Variants in ZNF565 observed in about 807,000 individuals in gnomAD.
ZNF565 encodes zinc finger protein 565.
ZNF565 carries 27 observed loss-of-function variants against 39.4 expected under a neutral mutation model. The observed-to-expected ratio is 0.69, with a 90% confidence interval of 0.51 to 0.95. ZNF565 has a LOEUF of 0.95. Among genes scored for constraint, ZNF565 ranks in the 40% least tolerant of loss-of-function variants. The probability of loss-of-function intolerance (pLI) is 0.00; values close to 1 mark genes in which losing one functional copy is unlikely to be tolerated. For missense variants in ZNF565, 524 were observed against 621.1 expected (o/e 0.84, Z 1.66); for synonymous variants, 185 against 216.6 (o/e 0.85, Z 1.28).
chr19:36,230,949 C>G (rs1442869331), intron 1 of ZNF565, among the ~76,000 whole-genome samples: 1 of 152,098 alleles, frequency 6.6e-6, no homozygotes, highest in Non-Finnish European at 1.5e-5. Flanking sequence ...TTACAGGCAC[C>G]TGCCACCACG....
intron 1 of ZNF565, among the ~76,000 whole-genome samples, chr19:36,229,634 C>A (rs1977235891): frequency 6.6e-6 from 1 of 152,102 alleles, no homozygotes; most frequent in Non-Finnish European, 1.5e-5. Flanking sequence ...CTAATTTTTC[C>A]TTTTCATATA....
chr19:36,228,116 C>G (rs1977155261), intron 1 of ZNF565, among the ~76,000 whole-genome samples: 1 of 141,090 alleles, frequency 7.1e-6, no homozygotes, highest in South Asian at 2.2e-4. Context: ...GCTGAGATTG[C>G]ACAATTGCAC....
In ZNF565 at chr19:36,182,566, C is replaced by T; in HGVS notation, c.1400G>A (p.Arg467Lys). The change falls in exon 5 of 5, where the codon AGA becomes AAA. Residue 467 changes from arginine (R) to lysine (K), a missense_variant. Transcript: ENST00000304116. The part of the protein sequence containing the change: ...IRSSQLTEHQ[R>K]IHPGIKPYEC... ...GTAAGGTTTGATACCAGGATGAATT[C>T]TCTGATGTTCGGTAAGTTGTGAACT... 6.2e-7 allele frequency: 1 copy of T among 1,613,980 alleles called. No individual in the cohort carries two copies. Among genetic ancestry groups the T allele is most frequent in the South Asian group, 1.1e-5 (1 of 91,050 alleles).
chr19:36,184,079 TAAAA>T (rs752744030), intron 4 of ZNF565, among the ~76,000 whole-genome samples: 3 of 39,246 alleles, frequency 7.6e-5, no homozygotes, highest in Admixed American at 4.8e-4. Flanking sequence ...CTCTGTCTCA[TAAAA>T]AAAAAAAAAA....
At chr19:36,218,053 C>CCTCA, upstream of ZNF565, 1 of 151,334 alleles carries the variant, frequency 6.6e-6, no homozygotes, top group African/African-American at 2.4e-5. Flanking sequence ...GATCTGCCTG[C>CCTCA]CTCAGCCTCC....
At chr19:36,200,877 T>C (rs1309510949) in intron 2 of ZNF565, among the ~76,000 whole-genome samples, 1 of 151,946 alleles carries the variant, frequency 6.6e-6, no homozygotes, top group African/African-American at 2.4e-5. Flanking sequence ...CTCGGCCTCC[T>C]AGGTTAAAGT....
In ZNF565 at chr19:36,245,460, G is replaced by T. The variant is rs968608891; in HGVS notation, c.55+16C>A. 2 of 702,130 alleles carry T rather than the reference G, an allele frequency of 2.8e-6. No homozygotes were observed. The highest frequency in any genetic ancestry group is 2.6e-6 in the Non-Finnish European group (1 of 384,766). The allele number at this position is 702,130 out of a possible 1,614,324, so 43.5% of individuals were successfully genotyped here. A position where few individuals can be genotyped will look rare whatever the true frequency, so the allele number is the denominator to read the frequency against. ...GATCACATTTCCCGTGGTCCACCGC[G>T]CATCTAGGAGGTTACCTGCGTCCAG... On this transcript the variant is annotated intron_variant, in intron 1 of 4. Coordinates refer to the ZNF565 transcript ENST00000355114. The surrounding 1 kb of genome is among the most constrained non-coding windows in gnomAD (Gnocchi z 4.4).
At chr19:36,216,731 G>T (rs1006982708), upstream of ZNF565, among the ~76,000 whole-genome samples, 1 of 152,108 alleles carries the variant, frequency 6.6e-6, no homozygotes, top group South Asian at 2.1e-4. Context: ...ACTGATCCTA[G>T]ACTTACTATG....
At chr19:36,189,259 A>C (rs1302752022) in intron 4 of ZNF565, among the ~76,000 whole-genome samples, 3 of 152,084 alleles carry the variant, frequency 2.0e-5, no homozygotes, top group Non-Finnish European at 4.4e-5. Context: ...ACTACACTCC[A>C]GCCTGGGCAA....
At chr19:36,214,546 C>T in intron 1 of ZNF565, 76 bp downstream of exon 1, 1 of 153,420 alleles carries the variant, frequency 6.5e-6, no homozygotes, top group South Asian at 2.1e-4. Flanking sequence ...GCATCCGCAG[C>T]CAGCTCCCGC....
chr19:36,232,211 AAC>A lies in ZNF565; in HGVS notation c.55+13263_55+13264del, dbSNP rs1399990058. On this transcript the variant is annotated intron_variant, in intron 1 of 4. Transcript: ENST00000355114. ...CTCCATCTCAAAAAAAAAAAAAAAA[AAC>A]ATACAAATTATGTGACTACAAATAT... Among the ~76,000 whole-genome samples the A allele has an allele frequency of 2.9e-3, 443 of 151,964 alleles. 1 individual carries two copies. The highest frequency in any genetic ancestry group is 0.01 in the Middle Eastern group (3 of 292).
chr19:36,233,002 G>C (rs886665034), intron 1 of ZNF565, among the ~76,000 whole-genome samples: 1 of 152,218 alleles, frequency 6.6e-6, no homozygotes, highest in Admixed American at 6.5e-5. Flanking sequence ...CCACGCTTTT[G>C]TATGTCCGTA....
chr19:36,195,391 C>T (rs1975719563), intron 2 of ZNF565, among the ~76,000 whole-genome samples: 1 of 151,874 alleles, frequency 6.6e-6, no homozygotes, highest in African/African-American at 2.4e-5. Context: ...ATACTTCACC[C>T]ACAGATACTT....
At chr19:36,233,218 A>G (rs1008124864) in intron 1 of ZNF565, among the ~76,000 whole-genome samples, 1 of 152,140 alleles carries the variant, frequency 6.6e-6, no homozygotes, top group Non-Finnish European at 1.5e-5. Context: ...TCCTGTCTCT[A>G]CTAAAAATAC....
chr19:36,216,105 C>G (rs1976592531), upstream of ZNF565, among the ~76,000 whole-genome samples: 1 of 151,938 alleles, frequency 6.6e-6, no homozygotes, highest in South Asian at 2.1e-4. Context: ...TAATTGGGTA[C>G]CAAGTTAATA....
At chr19:36,218,211 T>G (rs532116499), upstream of ZNF565, 1 of 151,906 alleles carries the variant, frequency 6.6e-6, no homozygotes, top group Non-Finnish European at 1.5e-5. Flanking sequence ...TACTTAAACC[T>G]TGGGCCTCAG....
intron 1 of ZNF565, among the ~76,000 whole-genome samples, chr19:36,208,388 C>G (rs1318665850): frequency 6.6e-6 from 1 of 151,960 alleles, no homozygotes; most frequent in Non-Finnish European, 1.5e-5. Context: ...TTTGTAAAGA[C>G]AGGGTCTCAA....
intron 2 of ZNF565, among the ~76,000 whole-genome samples, chr19:36,198,801 T>C (rs923691630): frequency 1.3e-5 from 2 of 152,192 alleles, no homozygotes; most frequent in African/African-American, 4.8e-5. Context: ...GGTTTCCTCA[T>C]GTTGGCCAGG....
rs549946684 is a variant in ZNF565, at chr19:36,245,157, G to T, written c.55+319C>A. The stretch of plus-strand genomic sequence containing the variant: ...CTGCCCTTGCGAGAGCCATGGATTC[G>T]CATTTGCGCAGAGTCGGGGTCTGTT... On this transcript the variant is annotated intron_variant, in intron 1 of 4. Transcript: ENST00000355114. The surrounding 1 kb of genome is among the most constrained non-coding windows in gnomAD (Gnocchi z 4.4). Among the ~76,000 whole-genome samples the T allele has an allele frequency of 1.3e-5, 2 of 152,190 alleles. No homozygotes were observed. Among genetic ancestry groups the T allele is most frequent in the Non-Finnish European group, 2.9e-5 (2 of 68,032 alleles).
Sources: gnomAD v4.1 joint callset for allele counts (sites outside exome capture counted in the v4.1 genomes callset) on GRCh38, gnomAD v4.1.1 for gene constraint, Gnocchi (gnomAD v3.1) non-coding constraint, MANE v1.5 for transcripts, NCBI Gene and HGNC (gene_info 2026-07-23, HGNC 2026-07-21) for gene names.